GALNT13: variants seen among roughly 807,000 people sequenced by gnomAD.
GALNT13 encodes the protein polypeptide N-acetylgalactosaminyltransferase 13.
GALNT13 carries 28 observed loss-of-function variants against 64.2 expected under a neutral mutation model. That is an observed-to-expected ratio of 0.44 (90% CI 0.32 to 0.60). The LOEUF (loss-of-function observed/expected upper bound fraction) is 0.60, where lower values mean the gene tolerates loss of function less well. Ranked by LOEUF, GALNT13 falls within the 20% of genes least tolerant of loss-of-function variation. The pLI, the probability that GALNT13 is intolerant of heterozygous loss-of-function variation, is 0.05. For missense variants in GALNT13, 577 were observed against 669.8 expected (o/e 0.86, Z 1.53); for synonymous variants, 214 against 224.6 (o/e 0.95, Z 0.42).
the GALNT13 span, among the ~76,000 whole-genome samples, chr2:153,201,973 CTTTTTTTTTTT>C: frequency 1.8e-5 from 2 of 108,900 alleles, no homozygotes; most frequent in Non-Finnish European, 3.6e-5. Context: ...CCACCCATTT[CTTTTTTTTTTT>C]TTTTTTTTTT....
At chr2:154,316,250 T>G (rs1364182873) in intron 9 of GALNT13, among the ~76,000 whole-genome samples, 6 of 152,172 alleles carry the variant, frequency 3.9e-5, no homozygotes, top group Non-Finnish European at 7.4e-5. Context: ...ATTTTAACTT[T>G]CTAATTGTTT....
chr2:154,404,199 A>G (rs1699425527), intron 10 of GALNT13, among the ~76,000 whole-genome samples: 1 of 152,152 alleles, frequency 6.6e-6, no homozygotes, highest in South Asian at 2.1e-4. Flanking sequence ...CACAAACTAC[A>G]AAACCACATT....
At chr2:153,770,930 G>A in the GALNT13 span, among the ~76,000 whole-genome samples, 1 of 152,196 alleles carries the variant, frequency 6.6e-6, no homozygotes, top group Non-Finnish European at 1.5e-5. Flanking sequence ...GGAATTGGAA[G>A]ACCTACATTG....
At chr2:153,273,708 A>G in the GALNT13 span, among the ~76,000 whole-genome samples, 2 of 152,210 alleles carry the variant, frequency 1.3e-5, no homozygotes, top group Admixed American at 1.3e-4. Flanking sequence ...ATATTAAGCT[A>G]CTGCTGATTT....
At chr2:153,685,477 CTGTT>C in the GALNT13 span, among the ~76,000 whole-genome samples, 1 of 151,872 alleles carries the variant, frequency 6.6e-6, no homozygotes, top group Non-Finnish European at 1.5e-5. Context: ...TGAAAAGTGA[CTGTT>C]TATGTCTTTT....
the GALNT13 span, among the ~76,000 whole-genome samples, chr2:153,820,768 G>T: frequency 2.0e-5 from 3 of 151,486 alleles, no homozygotes; most frequent in African/African-American, 7.3e-5. Context: ...ACACACTTAA[G>T]TATATAGCCA....
the GALNT13 span, among the ~76,000 whole-genome samples, chr2:153,579,446 G>T: frequency 6.6e-6 from 1 of 152,024 alleles, no homozygotes; most frequent in Non-Finnish European, 1.5e-5. Context: ...AACATTTTGG[G>T]GAAGGAAAAT....
At chr2:154,331,281 T>C (rs1272983731) in intron 9 of GALNT13, among the ~76,000 whole-genome samples, 3 of 151,986 alleles carry the variant, frequency 2.0e-5, no homozygotes, top group Non-Finnish European at 4.4e-5. Flanking sequence ...ATTCAGTAAC[T>C]ACATTTTTTT....
At chr2:153,704,342 T>G in the GALNT13 span, among the ~76,000 whole-genome samples, 3 of 152,206 alleles carry the variant, frequency 2.0e-5, no homozygotes, top group Admixed American at 2.0e-4. Context: ...GAAAATAAGC[T>G]ATTCACTGAT....
At chr2:153,660,467 TTGAAA>T in the GALNT13 span, among the ~76,000 whole-genome samples, 1 of 151,802 alleles carries the variant, frequency 6.6e-6, no homozygotes. Context: ...GATTTATGTA[TTGAAA>T]GATTACTTTG....
chr2:154,176,768 G>A (rs777424265), intron 4 of GALNT13, among the ~76,000 whole-genome samples: 1 of 152,104 alleles, frequency 6.6e-6, no homozygotes, highest in Non-Finnish European at 1.5e-5. Flanking sequence ...CCCCTAAAAT[G>A]CTGATTTTTG....
At chr2:153,599,559 A>G in the GALNT13 span, among the ~76,000 whole-genome samples, 1 of 151,886 alleles carries the variant, frequency 6.6e-6, no homozygotes, top group African/African-American at 2.4e-5. Flanking sequence ...GTAGATGGTA[A>G]GGCTGGGATT....
At chr2:153,562,034 C>CTCTT in the GALNT13 span, among the ~76,000 whole-genome samples, 4 of 107,302 alleles carry the variant, frequency 3.7e-5, no homozygotes, top group East Asian at 3.2e-4. Context: ...CCTCTCCTCT[C>CTCTT]TCTCTCTTTC....
the GALNT13 span, among the ~76,000 whole-genome samples, chr2:153,639,226 G>T: frequency 6.6e-6 from 1 of 152,036 alleles, no homozygotes; most frequent in Non-Finnish European, 1.5e-5. Flanking sequence ...AAGGAGTTAG[G>T]ATTAATTGTT....
At chr2:154,160,243 TG>T (rs1684654535) in intron 4 of GALNT13, among the ~76,000 whole-genome samples, 1 of 152,212 alleles carries the variant, frequency 6.6e-6, no homozygotes, top group African/African-American at 2.4e-5. Context: ...TTTCATTTTT[TG>T]TGAGAAGCAT....
chr2:153,255,714 C>T, the GALNT13 span, among the ~76,000 whole-genome samples: 7 of 152,086 alleles, frequency 4.6e-5, no homozygotes, highest in Non-Finnish European at 1.5e-5. Context: ...TTTATTTGTC[C>T]TTCACTTATG....
the GALNT13 span, among the ~76,000 whole-genome samples, chr2:153,514,856 A>G: frequency 4.6e-5 from 7 of 152,142 alleles, no homozygotes; most frequent in African/African-American, 7.2e-5. Flanking sequence ...GTGGCCAATC[A>G]TCCTGGTCAG....
chr2:153,072,855 G>C, the GALNT13 span, among the ~76,000 whole-genome samples: 1 of 152,096 alleles, frequency 6.6e-6, no homozygotes, highest in African/African-American at 2.4e-5. Context: ...ACTCTTTGCT[G>C]TTTTCCTTTT....
intron 4 of GALNT13, among the ~76,000 whole-genome samples, chr2:154,196,503 A>G (rs1486200742): frequency 1.3e-5 from 2 of 152,196 alleles, no homozygotes; most frequent in Non-Finnish European, 2.9e-5. Context: ...AAGTGAAATA[A>G]TTAGCTATTC....
Sources: gnomAD v4.1 joint callset for allele counts (sites outside exome capture counted in the v4.1 genomes callset) on GRCh38, gnomAD v4.1.1 for gene constraint, MANE v1.5 for transcripts, NCBI Gene and HGNC (gene_info 2026-07-23, HGNC 2026-07-21) for gene names.